Variants in CNTNAP2 observed in about 807,000 individuals in gnomAD.
CNTNAP2 encodes the protein contactin-associated protein-like 2.
CNTNAP2 carries 98 observed loss-of-function variants against 155.2 expected under a neutral mutation model. The observed-to-expected ratio is 0.63, with a 90% CI of 0.54 to 0.75. The LOEUF is 0.75. Ranked by LOEUF, CNTNAP2 falls within the 30% of genes least tolerant of loss-of-function variation. The pLI is 0.00. For synonymous variants in CNTNAP2, 651 were observed against 631.2 expected (o/e 1.03, Z -0.47); for missense variants, 1,727 against 1,688.1 (o/e 1.02, Z -0.40).
intron 1 of CNTNAP2, among the ~76,000 whole-genome samples, chr7:146,541,333 C>T (rs1563127001): frequency 6.6e-6 from 1 of 152,144 alleles, no homozygotes; most frequent in East Asian, 1.9e-4. Flanking sequence ...TCCTACATTT[C>T]CTCCTTGAGG....
At chr7:147,263,286 G>A (rs576344203) in intron 8 of CNTNAP2, among the ~76,000 whole-genome samples, 61 of 151,968 alleles carry the variant, frequency 4.0e-4, no homozygotes, top group Non-Finnish European at 7.6e-4. Flanking sequence ...GCTTCAGCCC[G>A]GGAAGCAGAG....
chr7:147,045,008 G>A (rs12535177), intron 4 of CNTNAP2, among the ~76,000 whole-genome samples: 23,151 of 152,030 alleles, frequency 0.15, 2,945 homozygotes, highest in African/African-American at 0.34. Flanking sequence ...GTTTCTTTAT[G>A]AGACTGCTAG....
rs1423557422 is a variant in CNTNAP2, at chr7:146,895,445, T to C, written c.402+55541T>C. On this transcript the variant is annotated intron_variant, in intron 3 of 23. Coordinates refer to ENST00000361727, the MANE Select transcript of CNTNAP2 (RefSeq NM_014141.6). The stretch of plus-strand genomic sequence containing the variant: ...TTCACACAGGATATACAGTTACAAA[T>C]AATGGATTAGGATGTAATTAGCTAT... Among the ~76,000 whole-genome samples, 4 of 152,036 alleles carry C rather than the reference T, an allele frequency of 2.6e-5. No individual in the cohort carries two copies. The South Asian group carries it at 6.2e-4, about 24-fold the overall frequency.
At chr7:146,753,146 G>T (rs1012710266) in intron 1 of CNTNAP2, among the ~76,000 whole-genome samples, 1 of 151,970 alleles carries the variant, frequency 6.6e-6, no homozygotes, top group Non-Finnish European at 1.5e-5. Context: ...TTAGGGCATT[G>T]TTATGCAATC....
Position 148,417,074 on chromosome 7 carries a change from A to ATACT in CNTNAP2, c.*1461_*1464dup, listed in dbSNP as rs374384685. ...ATCATCATTATATTTCAAGCCTCTT[A>ATACT]TACTTAATAAGCACTTTCTAAAAAG... On this transcript the variant is annotated 3_prime_UTR_variant, in exon 24 of 24. Coordinates refer to ENST00000361727, the MANE Select transcript of CNTNAP2 (RefSeq NM_014141.6). 1.8e-4 allele frequency: 28 copies of ATACT among 152,278 alleles called. No homozygotes were observed. The East Asian group carries it at 5.2e-3, about 28-fold the overall frequency. The allele number at this position is 152,278 out of a possible 1,614,324, so 9.4% of individuals were successfully genotyped here.
chr7:148,089,904 G>A (rs1006930318), intron 15 of CNTNAP2, among the ~76,000 whole-genome samples: 19 of 151,814 alleles, frequency 1.3e-4, no homozygotes, highest in Non-Finnish European at 2.5e-4. Context: ...AATAAAAACA[G>A]CATAGACTAG....
At chr7:146,626,842 A>G (rs755198560) in intron 1 of CNTNAP2, among the ~76,000 whole-genome samples, 6 of 152,154 alleles carry the variant, frequency 3.9e-5, no homozygotes, top group Non-Finnish European at 5.9e-5. Flanking sequence ...CCTGAATAAC[A>G]ACATGCTAGT....
chr7:147,817,043 T>C (rs115978297), intron 13 of CNTNAP2, among the ~76,000 whole-genome samples: 2,855 of 151,872 alleles, frequency 0.019, 88 homozygotes, highest in East Asian at 0.14. Flanking sequence ...CACCAGGAAA[T>C]AGAGAGGGAA....
chr7:146,458,619 T>C (rs1350722784), intron 1 of CNTNAP2, among the ~76,000 whole-genome samples: 1 of 152,190 alleles, frequency 6.6e-6, no homozygotes, highest in East Asian at 1.9e-4. Context: ...CTGATTCATT[T>C]TGTGTGCCAA....
intron 8 of CNTNAP2, among the ~76,000 whole-genome samples, chr7:147,280,498 G>C (rs1467977981): frequency 6.6e-6 from 1 of 151,840 alleles, no homozygotes; most frequent in Admixed American, 6.6e-5. Context: ...ATGATGTTCA[G>C]CTTAGGGTTT....
intron 8 of CNTNAP2, among the ~76,000 whole-genome samples, chr7:147,244,573 A>G (rs1804015860): frequency 6.6e-6 from 1 of 152,196 alleles, no homozygotes; most frequent in Non-Finnish European, 1.5e-5. Flanking sequence ...TCCTGATGAT[A>G]CACCAATGAA....
At chr7:147,642,550 A>G (rs940469183) in intron 13 of CNTNAP2, among the ~76,000 whole-genome samples, 4 of 152,094 alleles carry the variant, frequency 2.6e-5, no homozygotes, top group African/African-American at 9.7e-5. Flanking sequence ...AAAACATAAA[A>G]TGTACAAAAC....
At chr7:148,382,949 C>T (rs1332176253) in intron 21 of CNTNAP2, among the ~76,000 whole-genome samples, 1 of 152,202 alleles carries the variant, frequency 6.6e-6, no homozygotes, top group East Asian at 1.9e-4. Context: ...GGAAATGCCT[C>T]TACTCAGTCT....
At chr7:146,486,487 C>A (rs1218557297) in intron 1 of CNTNAP2, among the ~76,000 whole-genome samples, 1 of 152,138 alleles carries the variant, frequency 6.6e-6, no homozygotes, top group African/African-American at 2.4e-5. Flanking sequence ...CCTTCCATCT[C>A]TTCTTATAGG....
intron 3 of CNTNAP2, among the ~76,000 whole-genome samples, chr7:146,926,436 T>C (rs1207259326): frequency 1.3e-5 from 2 of 152,158 alleles, no homozygotes; most frequent in Admixed American, 6.6e-5. Flanking sequence ...ATTTGAACTT[T>C]TTAAACTTTT....
chr7:146,476,181 G>T (rs546736718), intron 1 of CNTNAP2, among the ~76,000 whole-genome samples: 54 of 152,102 alleles, frequency 3.6e-4, no homozygotes, highest in Non-Finnish European at 7.2e-4. Flanking sequence ...TCTCTCTTTT[G>T]CCTTTAAGTA....
intron 1 of CNTNAP2, among the ~76,000 whole-genome samples, chr7:146,221,941 A>C (rs1799214278): frequency 1.3e-5 from 2 of 152,208 alleles, no homozygotes. Context: ...ATGTATCCTC[A>C]GTGCCTAGCA....
chr7:146,364,076 T>C (rs1795122300), intron 1 of CNTNAP2, among the ~76,000 whole-genome samples: 1 of 152,170 alleles, frequency 6.6e-6, no homozygotes, highest in South Asian at 2.1e-4. Flanking sequence ...CTAATACCGT[T>C]TGTAAGGAAC....
intron 3 of CNTNAP2, among the ~76,000 whole-genome samples, chr7:146,986,450 T>C (rs1407963692): frequency 2.0e-5 from 3 of 152,232 alleles, no homozygotes; most frequent in Non-Finnish European, 4.4e-5. Flanking sequence ...TTGCAAATTG[T>C]GATGCTATAA....
Sources: gnomAD v4.1 joint callset for allele counts (sites outside exome capture counted in the v4.1 genomes callset) on GRCh38, gnomAD v4.1.1 for gene constraint, MANE v1.5 for transcripts, NCBI Gene and HGNC (gene_info 2026-07-23, HGNC 2026-07-21) for gene names.